Variants in ANK2 observed in about 807,000 individuals in gnomAD.
The protein encoded by ANK2 is ankyrin-2.
Under a neutral mutation model 360.5 loss-of-function variants are expected in ANK2, and 83 were observed. The observed-to-expected ratio is 0.23, with a 90% CI of 0.19 to 0.28. The LOEUF is 0.28. ANK2 is among the 10% of genes least tolerant of loss of function. The probability of loss-of-function intolerance (pLI) is 1.00; values close to 1 mark genes in which losing one functional copy is unlikely to be tolerated. For synonymous variants in ANK2, 1,740 were observed against 1,759.5 expected, an observed-to-expected ratio of 0.99 and a Z score of 0.28; for missense variants, 4,201 against 4,795.7, an observed-to-expected ratio of 0.88 and a Z score of 3.66.
chr4:112,756,309 A>G, the ANK2 span, among the ~76,000 whole-genome samples: 1 of 147,952 alleles, frequency 6.8e-6, no homozygotes, highest in African/African-American at 2.7e-5. Flanking sequence ...GCATTATAGG[A>G]TACAAAATCT....
rs760684730 is a variant in ANK2 at position 113,353,251 on chromosome 4, C to A, written c.4633C>A (p.Pro1545Thr). 1.2e-6 allele frequency: 2 copies of A among 1,613,888 alleles called. No individual in the cohort carries two copies. Among genetic ancestry groups the A allele is most frequent in the Admixed American group, 1.7e-5 (1 of 59,978 alleles). The change falls in exon 38 of 46, where the codon CCA becomes ACA. Residue 1545 changes from proline (P) to threonine (T), a missense_variant. Pro to Thr is a conservative substitution (Grantham distance 38, BLOSUM62 -1). Around this residue, in one of 4 missense-constraint regions of ANK2, gnomAD observed 1,268 missense variants for 1,650.8 expected, o/e 0.77. Coordinates refer to ENST00000357077, the MANE Select transcript of ANK2 (RefSeq NM_001148.6). ...KELVKAAEEE[P>T]GEPFEIVERV... The stretch of plus-strand genomic sequence containing the variant: ...GCTGGTGAAGGCTGCTGAGGAAGAG[C>A]CAGGAGAGCCTTTTGAAATCGTTGA...
chr4:112,920,762 C>T (rs1444432160), intron 2 of ANK2, among the ~76,000 whole-genome samples: 1 of 152,102 alleles, frequency 6.6e-6, no homozygotes, highest in Non-Finnish European at 1.5e-5. Flanking sequence ...CTGTTCTATT[C>T]TCATTTAGTT....
intron 2 of ANK2, among the ~76,000 whole-genome samples, chr4:112,958,772 C>T (rs1044190658): frequency 2.0e-5 from 3 of 152,086 alleles, no homozygotes; most frequent in African/African-American, 7.2e-5. Flanking sequence ...AATGTTTATT[C>T]CTTCTCAATG....
At chr4:113,169,267 C>T (rs41336051) in intron 1 of ANK2, among the ~76,000 whole-genome samples, 2,566 of 152,120 alleles carry the variant, frequency 0.017, 70 homozygotes, top group African/African-American at 0.058. Flanking sequence ...GACCCAAGAT[C>T]GGACAAGTCA....
At chr4:112,805,954 T>C in the ANK2 span, among the ~76,000 whole-genome samples, 605 of 152,298 alleles carry the variant, frequency 4.0e-3, 3 homozygotes, top group African/African-American at 0.013. Context: ...TATATATTTA[T>C]GGGGTAGATG....
At chr4:113,306,875 G>A (rs142961005) in intron 23 of ANK2, among the ~76,000 whole-genome samples, 9 of 152,300 alleles carry the variant, frequency 5.9e-5, no homozygotes, top group African/African-American at 1.4e-4. Context: ...ATATGGCAGC[G>A]AAATGCAAGG....
chr4:112,795,594 C>T, the ANK2 span, among the ~76,000 whole-genome samples: 1 of 152,134 alleles, frequency 6.6e-6, no homozygotes, highest in African/African-American at 2.4e-5. Flanking sequence ...ACCTCTGCCT[C>T]CTGGGTTCAA....
chr4:113,252,305 A>G lies in ANK2; in HGVS notation c.990+2443A>G, dbSNP rs1465411331. ...TGGGTCCCTCTCGCAACACAAGGGAATTATGGGAGCTGCAATTCAAGATGA... is the reference window on the plus strand; with the variant it reads ...TGGGTCCCTCTCGCAACACAAGGGAGTTATGGGAGCTGCAATTCAAGATGA... On this transcript the variant is annotated intron_variant, in intron 10 of 45. Coordinates refer to ENST00000357077, the MANE Select transcript of ANK2 (RefSeq NM_001148.6). 3.3e-5 allele frequency among the ~76,000 whole-genome samples: 5 copies of G among 152,296 alleles called. No homozygotes were observed. The East Asian group carries it at 9.6e-4, about 29-fold the overall frequency.
chr4:112,829,972 T>TA (rs1553931789), intron 1 of ANK2, among the ~76,000 whole-genome samples: 1 of 145,304 alleles, frequency 6.9e-6, no homozygotes, highest in East Asian at 2.0e-4. Context: ...AAAATAAAAA[T>TA]AAAAAATAAA....
At chr4:112,845,066 C>T (rs893014522) in intron 1 of ANK2, among the ~76,000 whole-genome samples, 1 of 152,148 alleles carries the variant, frequency 6.6e-6, no homozygotes, top group African/African-American at 2.4e-5. Flanking sequence ...ATAAGAAGTA[C>T]AGCTGTAGAA....
the ANK2 span, among the ~76,000 whole-genome samples, chr4:112,799,823 CTTT>C: frequency 0.014 from 1,779 of 125,972 alleles, 37 homozygotes; most frequent in African/African-American, 0.047. Flanking sequence ...CAGCCCACCT[CTTT>C]TTTTTTTTTT....
intron 1 of ANK2, among the ~76,000 whole-genome samples, chr4:113,089,866 A>G (rs1353235973): frequency 6.6e-6 from 1 of 152,106 alleles, no homozygotes; most frequent in Non-Finnish European, 1.5e-5. Flanking sequence ...ATAAAAAAAT[A>G]TATGAAACAA....
chr4:112,838,044 G>A (rs1327029102), intron 1 of ANK2, among the ~76,000 whole-genome samples: 1 of 152,154 alleles, frequency 6.6e-6, no homozygotes, highest in Non-Finnish European at 1.5e-5. Context: ...GTTTGGCTCT[G>A]TGTCCCCACC....
intron 9 of ANK2, among the ~76,000 whole-genome samples, chr4:113,245,043 T>G (rs189078630): frequency 6.6e-6 from 1 of 152,292 alleles, no homozygotes; most frequent in Non-Finnish European, 1.5e-5. Flanking sequence ...GGTTCTAAGT[T>G]TTTGCTATGT....
At chr4:113,142,540 C>T (rs1168496254) in intron 1 of ANK2, among the ~76,000 whole-genome samples, 1 of 152,048 alleles carries the variant, frequency 6.6e-6, no homozygotes. Context: ...ATCACAGTAG[C>T]ACCAGGTGTT....
At chr4:113,046,110 G>T (rs572809260), upstream of ANK2, among the ~76,000 whole-genome samples, 1 of 152,070 alleles carries the variant, frequency 6.6e-6, no homozygotes, top group Non-Finnish European at 1.5e-5. Context: ...CAAGGAAATT[G>T]ACGGAAAGCT....
At position 113,237,166 on chromosome 4, in the gene ANK2, A is replaced by G. The variant is rs1319866992; in HGVS notation, c.663A>G (p.Gln221=). ...LLQNDHNADV[Q]SKMMVNRTTE... is the part of the protein sequence containing the mutation. ...AGAATGACCACAATGCTGACGTACA[A>G]TCCAAGGTACTTAAAGCTGAACACA... The change falls in exon 6 of 46, where the codon CAA becomes CAG. Residue 221 remains glutamine, a synonymous_variant. Transcript: ENST00000357077. 1 of 1,613,718 alleles carries G rather than the reference A, an allele frequency of 6.2e-7. No homozygotes were observed. Among genetic ancestry groups the G allele is most frequent in the Admixed American group, 1.7e-5 (1 of 60,022 alleles).
rs555787927 is a variant in ANK2, at chr4:113,132,474, A to AT, written c.85-41936dup. On this transcript the variant is annotated intron_variant, in intron 1 of 45. Transcript: ENST00000357077. ...AATAAGTATGTGAAATTGATAGGAA[A>AT]TTTTTTAGATTAAAAAGTACTGAAA... Among the ~76,000 whole-genome samples, 27 of 152,288 alleles carry AT rather than the reference A, an allele frequency of 1.8e-4. No individual in the cohort carries two copies. In the South Asian group the frequency reaches 5.0e-3, roughly 28 times the overall value.
rs564651757 is a variant in ANK2 at position 113,316,030 on chromosome 4, G to A, written c.2694-1677G>A. On this transcript the variant is annotated intron_variant, in intron 24 of 45. Transcript: ENST00000357077. Reference sequence around the variant, plus strand: ...TTATCCATTCCACCAGCTGAGACAAGCTTTTGCTGAGATTAACCCTTTTCC... The same window carrying A: ...TTATCCATTCCACCAGCTGAGACAAACTTTTGCTGAGATTAACCCTTTTCC... 5.3e-5 allele frequency among the ~76,000 whole-genome samples: 8 copies of A among 151,624 alleles called. No individual in the cohort carries two copies. In the South Asian group the frequency reaches 1.7e-3, roughly 32 times the overall value.
Sources: gnomAD v4.1 joint callset for allele counts (sites outside exome capture counted in the v4.1 genomes callset) on GRCh38, gnomAD v4.1.1 for gene constraint, gnomAD v4.1.1 regional missense constraint, MANE v1.5 for transcripts, NCBI Gene and HGNC (gene_info 2026-07-23, HGNC 2026-07-21) for gene names.